Variants in DSCAML1 observed in about 807,000 individuals in gnomAD.
DSCAML1 encodes the protein cell adhesion molecule DSCAML1.
Under a neutral mutation model 200.5 loss-of-function variants are expected in DSCAML1, and 38 were observed. That is an observed-to-expected ratio of 0.19 (90% CI 0.15 to 0.25). The LOEUF is 0.25. DSCAML1 is among the 10% of genes least tolerant of loss of function. DSCAML1 has a pLI of 1.00. For missense variants in DSCAML1, 2,223 were observed against 2,858.8 expected, an observed-to-expected ratio of 0.78 and a Z score of 5.07; for synonymous variants, 1,215 against 1,165.0, an observed-to-expected ratio of 1.04 and a Z score of -0.87.
At chr11:117,551,231 C>T (rs1175332450) in intron 3 of DSCAML1, among the ~76,000 whole-genome samples, 1 of 152,194 alleles carries the variant, frequency 6.6e-6, no homozygotes, top group Non-Finnish European at 1.5e-5. Context: ...TGGGGATATA[C>T]CTCAGGGTTG....
rs188097140 is a variant in DSCAML1, at chr11:117,428,186, C to T, written c.*142G>A. Reference sequence around the variant, plus strand: ...TGTACAAAAGAGTTCTATGTACAGGCGTTCATGATTGGGGGTTTTTGTTTT... The same window carrying T: ...TGTACAAAAGAGTTCTATGTACAGGTGTTCATGATTGGGGGTTTTTGTTTT... On this transcript the variant is annotated 3_prime_UTR_variant, in exon 33 of 33. Coordinates refer to ENST00000651296, the MANE Select transcript of DSCAML1 (RefSeq NM_020693.4). 2.6e-4 allele frequency: 162 copies of T among 619,758 alleles called. No homozygotes were observed. The East Asian group carries it at 3.1e-3, about 12-fold the overall frequency. 38.4% of individuals were successfully genotyped at this position (619,758 alleles called of 1,614,324 possible).
At chr11:117,461,122 AC>A (rs2048473736) in intron 18 of DSCAML1, among the ~76,000 whole-genome samples, 1 of 151,982 alleles carries the variant, frequency 6.6e-6, no homozygotes. Context: ...ACTTCCCCAA[AC>A]ACACACTGTT....
intron 15 of DSCAML1, among the ~76,000 whole-genome samples, chr11:117,470,983 A>C (rs995611804): frequency 1.3e-5 from 2 of 152,238 alleles, no homozygotes; most frequent in Non-Finnish European, 2.9e-5. Context: ...CAGTACAAAA[A>C]AGAATGAAAA....
intron 16 of DSCAML1, among the ~76,000 whole-genome samples, chr11:117,466,951 C>T (rs1483466337): frequency 3.3e-5 from 5 of 152,200 alleles, no homozygotes; most frequent in African/African-American, 4.8e-5. Flanking sequence ...GTGCCCCAGA[C>T]GCCAAGGCCA....
intron 3 of DSCAML1, among the ~76,000 whole-genome samples, chr11:117,561,531 C>T (rs768337602): frequency 4.1e-4 from 62 of 152,322 alleles, no homozygotes; most frequent in Middle Eastern, 3.4e-3. Flanking sequence ...CTGCCCCTTG[C>T]CTTGCTCCAT....
At chr11:117,543,877 T>C (rs35304140) in intron 3 of DSCAML1, among the ~76,000 whole-genome samples, 1 of 152,120 alleles carries the variant, frequency 6.6e-6, no homozygotes, top group African/African-American at 2.4e-5. Flanking sequence ...GCGTATGTAG[T>C]GCATAGGTAT....
At chr11:117,501,303 A>G (rs1023786115) in intron 11 of DSCAML1, among the ~76,000 whole-genome samples, 6 of 152,210 alleles carry the variant, frequency 3.9e-5, no homozygotes, top group South Asian at 2.1e-4. Context: ...AAATATTCCA[A>G]AGAAGGCCAG....
chr11:117,460,169 C>T (rs1054380347), intron 18 of DSCAML1, among the ~76,000 whole-genome samples: 1 of 152,232 alleles, frequency 6.6e-6, no homozygotes, highest in South Asian at 2.1e-4. Context: ...AGGGAACCAC[C>T]CTTTACTTGG....
chr11:117,595,556 G>C (rs187599693), intron 3 of DSCAML1, among the ~76,000 whole-genome samples: 2 of 152,294 alleles, frequency 1.3e-5, no homozygotes, highest in Admixed American at 6.5e-5. Flanking sequence ...TCTGTGGATA[G>C]GCTGTGATAA....
intron 3 of DSCAML1, among the ~76,000 whole-genome samples, chr11:117,609,311 C>CTT (rs765168401): frequency 3.3e-5 from 2 of 60,818 alleles, no homozygotes; most frequent in African/African-American, 9.3e-5. Flanking sequence ...TTCTTTCTTT[C>CTT]TTTTTTTTTT....
intron 3 of DSCAML1, among the ~76,000 whole-genome samples, chr11:117,604,115 C>A (rs182162166): frequency 6.6e-4 from 100 of 152,314 alleles, no homozygotes; most frequent in South Asian, 1.7e-3. Context: ...TATTCTGGAG[C>A]CTGAGCTCAT....
chr11:117,817,425 C>T (rs1462367138), exon 1 of DSCAML1: 2 of 152,374 alleles, frequency 1.3e-5, no homozygotes, highest in Admixed American at 6.5e-5. Context: ...TGCTCCACTT[C>T]GAGTTCACCT....
intron 3 of DSCAML1, among the ~76,000 whole-genome samples, chr11:117,592,660 C>T (rs149227586): frequency 2.2e-4 from 33 of 152,276 alleles, no homozygotes; most frequent in Middle Eastern, 3.4e-3. Flanking sequence ...ATGTTCTAAG[C>T]GATTTACACA....
At chr11:117,597,149 A>G (rs910634467) in intron 3 of DSCAML1, among the ~76,000 whole-genome samples, 7 of 152,220 alleles carry the variant, frequency 4.6e-5, no homozygotes, top group African/African-American at 1.7e-4. Flanking sequence ...CAGTCACCTT[A>G]CTGTGGGTAT....
chr11:117,763,688 C>T (rs926799183), intron 3 of DSCAML1, among the ~76,000 whole-genome samples: 4 of 151,680 alleles, frequency 2.6e-5, no homozygotes, highest in Admixed American at 6.6e-5. Context: ...CTTGCCCGGA[C>T]CCCAGCTGCC....
Position 117,808,974 on chromosome 11 carries a change from C to A in DSCAML1, c.-250+8416G>T, listed in dbSNP as rs183802288. Among the ~76,000 whole-genome samples the A allele has an allele frequency of 2.5e-4, 38 of 152,340 alleles. No homozygotes were observed. In the East Asian group the frequency reaches 6.7e-3, roughly 27 times the overall value. On this transcript the variant is annotated intron_variant, in intron 1 of 2. Transcript: ENST00000525836. ...GAGACACTAAAGGACTTCCCCAGGG[C>A]TGCCCAGGTGGTCAGTGACCGAGCC... is the stretch of plus-strand genomic sequence containing the variant.
At chr11:117,511,048 C>T (rs571653852) in intron 8 of DSCAML1, among the ~76,000 whole-genome samples, 77 of 152,200 alleles carry the variant, frequency 5.1e-4, no homozygotes, top group Non-Finnish European at 8.1e-4. Flanking sequence ...AGCTTATCAT[C>T]ATAGAAACCC....
At chr11:117,679,280 A>G (rs940300974) in intron 3 of DSCAML1, among the ~76,000 whole-genome samples, 5 of 152,180 alleles carry the variant, frequency 3.3e-5, no homozygotes, top group African/African-American at 9.7e-5. Flanking sequence ...CCTAGCAGAC[A>G]CCAGGATTCA....
intron 3 of DSCAML1, among the ~76,000 whole-genome samples, chr11:117,672,261 C>T (rs2053126306): frequency 6.6e-6 from 1 of 152,092 alleles, no homozygotes; most frequent in Non-Finnish European, 1.5e-5. Flanking sequence ...TCCTGCCTCC[C>T]AGCCCAGTGC....
Sources: gnomAD v4.1 joint callset for allele counts (sites outside exome capture counted in the v4.1 genomes callset) on GRCh38, gnomAD v4.1.1 for gene constraint, MANE v1.5 for transcripts, NCBI Gene and HGNC (gene_info 2026-07-23, HGNC 2026-07-21) for gene names.